Variants in LRRC38 observed in about 807,000 individuals in gnomAD.
The protein encoded by LRRC38 is leucine rich repeat containing 38.
In LRRC38, 5 loss-of-function variants were observed where a neutral mutation model predicts 16.4. That is an observed-to-expected ratio of 0.31 (90% CI 0.16 to 0.64). The LOEUF is 0.64. LRRC38 is among the 30% of genes least tolerant of loss of function. LRRC38 has a pLI of 0.80. For synonymous variants in LRRC38, 191 were observed against 190.2 expected (o/e 1.00, Z -0.04); for missense variants, 341 against 401.8 (o/e 0.85, Z 1.29).
intron 1 of LRRC38, among the ~76,000 whole-genome samples, chr1:13,491,627 C>G (rs2100503989): frequency 6.6e-6 from 1 of 152,148 alleles, no homozygotes; most frequent in South Asian, 2.1e-4. Context: ...AAACTGTCCA[C>G]TTGAAAATGG....
intron 1 of LRRC38, among the ~76,000 whole-genome samples, chr1:13,476,344 G>GT (rs144071574): frequency 0.075 from 11,282 of 150,868 alleles, 538 homozygotes; most frequent in Middle Eastern, 0.18. Context: ...TTTGTTTTTT[G>GT]TTTTTTGTTT....
intron 1 of LRRC38, among the ~76,000 whole-genome samples, chr1:13,502,069 A>G (rs1025768830): frequency 1.9e-4 from 29 of 149,940 alleles, no homozygotes; most frequent in Non-Finnish European, 3.0e-4. Context: ...TGGGGACTAC[A>G]GGGGCACGCT....
intron 1 of LRRC38, among the ~76,000 whole-genome samples, chr1:13,509,423 T>C (rs999863169): frequency 1.3e-5 from 2 of 151,786 alleles, no homozygotes; most frequent in Non-Finnish European, 2.9e-5. Flanking sequence ...AAGCCCAGAG[T>C]CCAGTGACCC....
At chr1:13,499,858 G>A (rs2100514030) in intron 1 of LRRC38, among the ~76,000 whole-genome samples, 1 of 152,128 alleles carries the variant, frequency 6.6e-6, no homozygotes, top group East Asian at 1.9e-4. Flanking sequence ...TATTGTGAAA[G>A]GAAAATAAAT....
intron 1 of LRRC38, among the ~76,000 whole-genome samples, chr1:13,495,624 G>C (rs2100509156): frequency 6.6e-6 from 1 of 152,112 alleles, no homozygotes; most frequent in Non-Finnish European, 1.5e-5. Flanking sequence ...AGAATCACAG[G>C]ACTCAAGCAC....
intron 1 of LRRC38, among the ~76,000 whole-genome samples, chr1:13,499,234 G>T (rs1639118986): frequency 6.6e-6 from 1 of 152,066 alleles, no homozygotes; most frequent in East Asian, 1.9e-4. Context: ...GAGTAGCTGG[G>T]ATTACAGGTG....
chr1:13,481,000 G>C (rs1638846830), intron 1 of LRRC38, among the ~76,000 whole-genome samples: 1 of 152,154 alleles, frequency 6.6e-6, no homozygotes, highest in Non-Finnish European at 1.5e-5. Context: ...TCCCCAGAAT[G>C]TATATGTGGA....
chr1:13,505,747 T>A (rs1375922738), intron 1 of LRRC38, among the ~76,000 whole-genome samples: 3 of 151,258 alleles, frequency 2.0e-5, no homozygotes, highest in African/African-American at 7.3e-5. Flanking sequence ...TCGGAGGAGG[T>A]GATGCTTGAT....
rs1639302156 is a variant in LRRC38 at position 13,513,515 on chromosome 1, C to T, written c.79G>A (p.Ala27Thr). ...GTGCAGGCGCAGCCCGCGGGGCACG[C>T]GTGCCCGGGCGCGAGCAGCAGCAGA... ...SLLLLLAPGH[A>T]CPAGCACTDP... Residue 27 changes from alanine (A) to threonine (T), a missense_variant, in exon 1 of 2, where the codon GCG becomes ACG. Physicochemically the swap from Ala to Thr is moderately conservative, Grantham distance 58. Transcript: ENST00000376085. 2.1e-6 allele frequency: 3 copies of T among 1,445,040 alleles called. No individual in the cohort carries two copies. The highest frequency in any genetic ancestry group is 2.9e-5 in the African/African-American group (2 of 69,016). The allele number at this position is 1,445,040 out of a possible 1,614,324, so 89.5% of individuals were successfully genotyped here.
At chr1:13,478,436 C>T (rs1557493779) in intron 1 of LRRC38, among the ~76,000 whole-genome samples, 1 of 152,202 alleles carries the variant, frequency 6.6e-6, no homozygotes. Context: ...TTGAACCCAG[C>T]CATTTGGCTA....
At chr1:13,512,917 C>G (rs1406730802) in intron 1 of LRRC38, 46 bp downstream of exon 1, 1 of 1,320,806 alleles carries the variant, frequency 7.6e-7, no homozygotes. Flanking sequence ...GGTGGCCTCT[C>G]CCTGCCCCCC....
At position 13,505,839 on chromosome 1, in the gene LRRC38, G is replaced by A. The variant is rs190970839; in HGVS notation, c.631+7124C>T. On this transcript the variant is annotated intron_variant, in intron 1 of 1. Coordinates refer to ENST00000376085, the MANE Select transcript of LRRC38 (RefSeq NM_001010847.2). ...AGCAGCAAGTTCAGGGGCTCCGGCT[G>A]GATACTGGCACTTGGGCGTGTTCCG... Among the ~76,000 whole-genome samples, 90 of 151,392 alleles carry A rather than the reference G, an allele frequency of 5.9e-4. No homozygotes were observed. The East Asian group carries it at 0.016, about 26-fold the overall frequency.
intron 1 of LRRC38, among the ~76,000 whole-genome samples, chr1:13,488,435 C>A (rs1379713353): frequency 6.6e-6 from 1 of 151,992 alleles, no homozygotes; most frequent in Non-Finnish European, 1.5e-5. Context: ...CCATGCCTGG[C>A]TAATTTTTGT....
intron 1 of LRRC38, among the ~76,000 whole-genome samples, chr1:13,495,093 G>A (rs1639066622): frequency 6.6e-6 from 1 of 152,218 alleles, no homozygotes; most frequent in Non-Finnish European, 1.5e-5. Flanking sequence ...TGAGACCACA[G>A]AAGGGTCAGG....
chr1:13,480,175 C>T (rs999738977), intron 1 of LRRC38, among the ~76,000 whole-genome samples: 3 of 152,166 alleles, frequency 2.0e-5, no homozygotes, highest in Admixed American at 1.3e-4. Flanking sequence ...CGAAACCCCA[C>T]CTGTACTAAA....
rs1638954977 is a variant in LRRC38 at position 13,487,816 on chromosome 1, C to G, written c.632-11717G>C. Among the ~76,000 whole-genome samples the G allele has an allele frequency of 3.3e-5, 5 of 152,350 alleles. No individual in the cohort carries two copies. The South Asian group carries it at 1.0e-3, about 32-fold the overall frequency. On this transcript the variant is annotated intron_variant, in intron 1 of 1. Coordinates refer to ENST00000376085, the MANE Select transcript of LRRC38 (RefSeq NM_001010847.2). The surrounding 1 kb of genome is among the most constrained non-coding windows in gnomAD (Gnocchi z 4.4). ...CTGCAGCCAGAGGATCTCTCAGGCCCTTTCCCCTGATCTGGCCTCCTGGGA... is the reference window on the plus strand; with the variant it reads ...CTGCAGCCAGAGGATCTCTCAGGCCGTTTCCCCTGATCTGGCCTCCTGGGA...
At chr1:13,499,720 T>C (rs1053655198) in intron 1 of LRRC38, among the ~76,000 whole-genome samples, 16 of 152,138 alleles carry the variant, frequency 1.1e-4, no homozygotes, top group African/African-American at 3.9e-4. Flanking sequence ...CCTGAAAAGA[T>C]AAGGGGAGCA....
At position 13,478,380 on chromosome 1, in the gene LRRC38, A is replaced by G. The variant is rs1256011556; in HGVS notation, c.632-2281T>C. 2.0e-5 allele frequency among the ~76,000 whole-genome samples: 3 copies of G among 152,246 alleles called. No individual in the cohort carries two copies. The East Asian group carries it at 5.8e-4, about 29-fold the overall frequency. ...GGATGAGAAAACTGAGAGCATGTGC[A>G]TAGCTTGCCTTTGGCAATGCAGCTT... On this transcript the variant is annotated intron_variant, in intron 1 of 1. Coordinates refer to ENST00000376085, the MANE Select transcript of LRRC38 (RefSeq NM_001010847.2).
intron 1 of LRRC38, among the ~76,000 whole-genome samples, chr1:13,496,079 T>C (rs1464944719): frequency 3.9e-5 from 6 of 152,102 alleles, no homozygotes; most frequent in African/African-American, 1.2e-4. Context: ...TCCTACTCTC[T>C]GAACACCCCC....
Sources: gnomAD v4.1 joint callset for allele counts (sites outside exome capture counted in the v4.1 genomes callset) on GRCh38, gnomAD v4.1.1 for gene constraint, Gnocchi (gnomAD v3.1) non-coding constraint, MANE v1.5 for transcripts, NCBI Gene and HGNC (gene_info 2026-07-23, HGNC 2026-07-21) for gene names.